The following MCM5 variants were observed in gnomAD, a reference collection of about 807,000 sequenced individuals.
MCM5 encodes the protein minichromosome maintenance complex component 5, also known as DNA replication licensing factor MCM5.
MCM5 carries 46 observed loss-of-function variants against 79.9 expected under a neutral mutation model. That is an observed-to-expected ratio of 0.58 (90% confidence interval 0.45 to 0.74). The LOEUF is 0.74. MCM5 is among the 30% of genes least tolerant of loss of function. The pLI is 0.00. For missense variants in MCM5, 883 were observed against 1,017.0 expected (o/e 0.87, Z 1.79); for synonymous variants, 404 against 390.5 (o/e 1.03, Z -0.41).
chr22:35,437,899 C>T, the MCM5 span, among the ~76,000 whole-genome samples: 3 of 152,048 alleles, frequency 2.0e-5, no homozygotes, highest in Non-Finnish European at 4.4e-5. Flanking sequence ...CCTATTTTTT[C>T]ACATTTTAGT....
At chr22:35,448,491 C>A in the MCM5 span, among the ~76,000 whole-genome samples, 6 of 152,226 alleles carry the variant, frequency 3.9e-5, no homozygotes, top group South Asian at 2.1e-4. Context: ...AAAACATCAT[C>A]GTATTCGTCA....
intron 5 of MCM5, among the ~76,000 whole-genome samples, chr22:35,408,176 G>A (rs1002412716): frequency 4.6e-5 from 7 of 152,164 alleles, no homozygotes; most frequent in Non-Finnish European, 1.0e-4. Context: ...GTTAATGGAA[G>A]GACCCAGCCT....
chr22:35,420,150 T>G, intron 14 of MCM5, 138 bp downstream of exon 14: 2 of 1,055,140 alleles, frequency 1.9e-6, no homozygotes, highest in Non-Finnish European at 1.3e-6. Context: ...AAGAGTCCCT[T>G]TGGAGCATAA....
chr22:35,406,288 G>T (rs1932208564), intron 4 of MCM5, among the ~76,000 whole-genome samples: 1 of 107,494 alleles, frequency 9.3e-6, no homozygotes. Flanking sequence ...TGTATCTCTT[G>T]CCCTGCCACC....
At chr22:35,451,462 C>T in the MCM5 span, among the ~76,000 whole-genome samples, 6 of 152,322 alleles carry the variant, frequency 3.9e-5, no homozygotes, top group South Asian at 6.2e-4. Context: ...TAACCTCAGC[C>T]GGCCGGTTGT....
the MCM5 span, among the ~76,000 whole-genome samples, chr22:35,447,323 G>T: frequency 1.8e-4 from 28 of 152,198 alleles, no homozygotes; most frequent in Admixed American, 5.9e-4. Flanking sequence ...GCCTGCACAA[G>T]AGCCCCTTGT....
chr22:35,430,347 T>A (rs1932803978), downstream of MCM5, among the ~76,000 whole-genome samples: 1 of 152,124 alleles, frequency 6.6e-6, no homozygotes, highest in Non-Finnish European at 1.5e-5. Context: ...GAAGATACAG[T>A]GAAATAACAA....
chr22:35,446,472 C>T, the MCM5 span, among the ~76,000 whole-genome samples: 3 of 152,190 alleles, frequency 2.0e-5, no homozygotes, highest in Non-Finnish European at 4.4e-5. Flanking sequence ...GCTGTACCTC[C>T]AGCACACAGA....
At chr22:35,408,302 A>G (rs1325968001) in intron 5 of MCM5, 106 bp from the exon 6 acceptor site, 3 of 1,078,112 alleles carry the variant, frequency 2.8e-6, no homozygotes, top group South Asian at 1.6e-5. Flanking sequence ...GGAGACCCCC[A>G]TAAATTGCCG....
chr22:35,403,704 A>C (rs888518667), intron 4 of MCM5, among the ~76,000 whole-genome samples, 162 bp downstream of exon 4: 3 of 152,178 alleles, frequency 2.0e-5, no homozygotes, highest in African/African-American at 7.2e-5. Context: ...TTTGTTATGA[A>C]AAATTACACA....
the MCM5 span, among the ~76,000 whole-genome samples, chr22:35,438,783 TCATCCATC>T: frequency 3.4e-3 from 38 of 11,038 alleles, no homozygotes; most frequent in East Asian, 5.6e-3. Flanking sequence ...ACCCACATAT[TCATCCATC>T]CATCCATCCA....
chr22:35,405,621 C>T (rs1472953540), intron 4 of MCM5, among the ~76,000 whole-genome samples: 1 of 152,126 alleles, frequency 6.6e-6, no homozygotes, highest in Non-Finnish European at 1.5e-5. Flanking sequence ...TCCGCCTCGG[C>T]CTTCCAAAGT....
At chr22:35,424,081 C>T (rs1490440084) in intron 16 of MCM5, 73 bp from the exon 17 acceptor site, 4 of 980,122 alleles carry the variant, frequency 4.1e-6, no homozygotes, top group Admixed American at 2.3e-5. Context: ...TCCCCGTGAG[C>T]CTGGGGATGT....
chr22:35,421,616 C>T, intron 15 of MCM5, 156 bp downstream of exon 15: 1 of 905,752 alleles, frequency 1.1e-6, no homozygotes, highest in Admixed American at 1.9e-5. Flanking sequence ...TAAGACCCCT[C>T]TCCTCCTTTC....
chr22:35,419,948 C>A lies in MCM5; in HGVS notation c.1768C>A (p.Arg590=), dbSNP rs763363546. 3.8e-5 allele frequency: 61 copies of A among 1,613,000 alleles called. No individual in the cohort carries two copies. Among genetic ancestry groups the A allele is most frequent in the Non-Finnish European group, 5.1e-5 (60 of 1,179,616 alleles). The change falls in exon 14 of 17, where the codon CGG becomes AGG. Residue 590 remains arginine, a synonymous_variant. Transcript: ENST00000216122. Reference sequence around the variant, plus strand: ...ACTGAAGAACCGCTACATCATCATGCGGAGCGGGGCCCGTCAGCACGAGAG... The same window carrying A: ...ACTGAAGAACCGCTACATCATCATGAGGAGCGGGGCCCGTCAGCACGAGAG... ...EKLKNRYIIM[R]SGARQHERDS...
intron 13 of MCM5, 129 bp downstream of exon 13, chr22:35,417,985 C>G: frequency 1.5e-6 from 1 of 659,188 alleles, no homozygotes; most frequent in Non-Finnish European, 2.8e-6. Flanking sequence ...AGGTTCTCAG[C>G]TCTACTGAAT....
the MCM5 span, among the ~76,000 whole-genome samples, chr22:35,443,036 A>C: frequency 1.3e-5 from 2 of 152,122 alleles, no homozygotes; most frequent in Non-Finnish European, 2.9e-5. Context: ...CTGGGCAGCC[A>C]TGGAGATGGC....
the MCM5 span, among the ~76,000 whole-genome samples, chr22:35,436,179 A>AG: frequency 0.49 from 70,638 of 144,302 alleles, 20,156 homozygotes; most frequent in Non-Finnish European, 0.64. Context: ...AAAAAAAAAA[A>AG]AAAAGAAAAA....
At chr22:35,450,015 C>T in the MCM5 span, among the ~76,000 whole-genome samples, 2 of 152,106 alleles carry the variant, frequency 1.3e-5, no homozygotes, top group Non-Finnish European at 2.9e-5. Context: ...AACTTCTGGC[C>T]TCAAGCAATC....
Sources: gnomAD v4.1 joint callset for allele counts (sites outside exome capture counted in the v4.1 genomes callset) on GRCh38, gnomAD v4.1.1 for gene constraint, MANE v1.5 for transcripts, NCBI Gene and HGNC (gene_info 2026-07-23, HGNC 2026-07-21) for gene names.